Variants in NMT2 observed in about 807,000 individuals in gnomAD.
NMT2 encodes glycylpeptide N-tetradecanoyltransferase 2.
In NMT2, 35 loss-of-function variants were observed where a neutral mutation model predicts 65.4. The ratio of observed to expected loss-of-function variants is 0.54; its 90% CI spans 0.41 to 0.71. The LOEUF (loss-of-function observed/expected upper bound fraction) is 0.71. NMT2 is among the 30% of genes least tolerant of loss of function. NMT2 has a pLI of 0.00. For missense variants in NMT2, 489 were observed against 611.3 expected (o/e 0.80, Z 2.11); for synonymous variants, 226 against 231.8 (o/e 0.98, Z 0.23).
At chr10:15,168,167 C>G (rs1833438276) in intron 1 of NMT2, among the ~76,000 whole-genome samples, 1 of 152,280 alleles carries the variant, frequency 6.6e-6, no homozygotes, top group South Asian at 2.1e-4. Context: ...CGGCGCCCAC[C>G]GGAGCCACCC....
chr10:15,112,704 C>A, intron 10 of NMT2, 92 bp downstream of exon 10: 1 of 1,216,868 alleles, frequency 8.2e-7, no homozygotes, highest in East Asian at 2.6e-5. Flanking sequence ...ATAAATTCCA[C>A]CTGTGTGGAA....
chr10:15,139,714 G>C (rs1219084652), intron 2 of NMT2: 1 of 151,522 alleles, frequency 6.6e-6, no homozygotes, highest in East Asian at 1.9e-4. Flanking sequence ...ATTGGGGCAA[G>C]TAATTTTCCT....
intron 1 of NMT2, chr10:15,155,095 AC>A: frequency 7.0e-7 from 1 of 1,425,200 alleles, no homozygotes; most frequent in Non-Finnish European, 9.9e-7. Context: ...CTGTAGACAG[AC>A]TTGCCACCAG....
intron 1 of NMT2, among the ~76,000 whole-genome samples, chr10:15,163,894 C>T (rs1401149631): frequency 6.6e-6 from 1 of 152,160 alleles, no homozygotes; most frequent in Admixed American, 6.5e-5. Context: ...TTAAAAACGT[C>T]TTAGGCCGGG....
intron 6 of NMT2, among the ~76,000 whole-genome samples, chr10:15,130,915 A>T (rs1220115465): frequency 2.7e-5 from 4 of 150,446 alleles, no homozygotes; most frequent in Non-Finnish European, 1.5e-5. Flanking sequence ...TCAGCCTCCT[A>T]AGTAGCTGGA....
intron 1 of NMT2, among the ~76,000 whole-genome samples, chr10:15,164,518 T>A (rs4748145): frequency 0.18 from 27,361 of 152,058 alleles, 3,066 homozygotes; most frequent in African/African-American, 0.32. Flanking sequence ...CAGTAAGAGA[T>A]CATGACCAAT....
At chr10:15,126,944 A>G (rs961844539) in intron 8 of NMT2, among the ~76,000 whole-genome samples, 7 of 152,252 alleles carry the variant, frequency 4.6e-5, no homozygotes, top group Admixed American at 4.6e-4. Context: ...ATTAAAAATG[A>G]TAACTTGGCT....
intron 1 of NMT2, among the ~76,000 whole-genome samples, chr10:15,153,956 C>T (rs1344294802): frequency 6.6e-6 from 1 of 152,162 alleles, no homozygotes; most frequent in Non-Finnish European, 1.5e-5. Flanking sequence ...CTGGCTTACA[C>T]ACAGACGTTT....
rs781152447 is a variant in NMT2 at position 15,112,842 on chromosome 10, G to A, written c.1292C>T (p.Thr431Met). 4.3e-6 allele frequency: 7 copies of A among 1,614,064 alleles called. No homozygotes were observed. The highest frequency in any genetic ancestry group is 2.2e-5 in the South Asian group (2 of 91,072). ...GTCGCTCATGAGGTCCAGCAGGGGC[G>A]TCTCTGTGTGGATGTTGTAGAATGA... ...AYSFYNIHTETPLLDLMSDAL... is the reference protein window; with the variant it reads ...AYSFYNIHTEMPLLDLMSDAL... Residue 431 changes from threonine (T) to methionine (M), a missense_variant, in exon 10 of 12, where the codon ACG (threonine) becomes ATG (methionine). Thr to Met is a moderately conservative substitution (Grantham distance 81, BLOSUM62 -1). Transcript: ENST00000378165.
intron 9 of NMT2, among the ~76,000 whole-genome samples, chr10:15,118,187 G>GAAT (rs1169882989): frequency 6.6e-6 from 1 of 152,174 alleles, no homozygotes; most frequent in East Asian, 1.9e-4. Flanking sequence ...CAACGAAATA[G>GAAT]AATATAGAGG....
rs959487487 is a variant in NMT2 at position 15,119,280 on chromosome 10, G to C, written c.1170+63C>G. Reference sequence around the variant, plus strand: ...GAAGGAAGTGTGTGTAAATAATTCTGCTGCACGCTGAACACAAAGGGTGCT... The same window carrying C: ...GAAGGAAGTGTGTGTAAATAATTCTCCTGCACGCTGAACACAAAGGGTGCT... On this transcript the variant is annotated intron_variant, in intron 9 of 11. Transcript: ENST00000378165. 45 of 1,442,502 alleles carry C rather than the reference G, an allele frequency of 3.1e-5. No homozygotes were observed. In the South Asian group the frequency reaches 5.3e-4, roughly 17 times the overall value. The allele number at this position is 1,442,502 out of a possible 1,614,324, so 89.4% of individuals were successfully genotyped here. A position where few individuals can be genotyped will look rare whatever the true frequency, so the allele number is the denominator to read the frequency against.
intron 1 of NMT2, among the ~76,000 whole-genome samples, chr10:15,165,633 T>C (rs1833351891): frequency 6.6e-6 from 1 of 151,992 alleles, no homozygotes; most frequent in Admixed American, 6.6e-5. Flanking sequence ...ATCCCAGCAC[T>C]TTGGGAGGCC....
At chr10:15,159,413 T>G (rs899633323) in intron 1 of NMT2, among the ~76,000 whole-genome samples, 1 of 151,994 alleles carries the variant, frequency 6.6e-6, no homozygotes, top group African/African-American at 2.4e-5. Flanking sequence ...TTTATTTATT[T>G]ATTTATTTAT....
At chr10:15,157,935 G>C (rs1033503129) in intron 1 of NMT2, among the ~76,000 whole-genome samples, 1 of 152,182 alleles carries the variant, frequency 6.6e-6, no homozygotes, top group African/African-American at 2.4e-5. Context: ...TAAAAGCTAA[G>C]TTTGAATTTG....
chr10:15,160,892 A>C (rs1833165862), intron 1 of NMT2, among the ~76,000 whole-genome samples: 1 of 151,926 alleles, frequency 6.6e-6, no homozygotes, highest in Non-Finnish European at 1.5e-5. Flanking sequence ...AAGTTAAAAC[A>C]GACAAAAAGA....
chr10:15,144,083 CTTTT>C (rs773075502), intron 1 of NMT2, among the ~76,000 whole-genome samples: 15 of 152,082 alleles, frequency 9.9e-5, no homozygotes, highest in Non-Finnish European at 1.8e-4. Context: ...CACATCAAAA[CTTTT>C]TTTTCTTCCA....
chr10:15,145,046 T>TAG (rs1257579898), intron 1 of NMT2, among the ~76,000 whole-genome samples: 2 of 152,038 alleles, frequency 1.3e-5, no homozygotes, highest in African/African-American at 4.8e-5. Context: ...GGTCCATCTA[T>TAG]AGGATGGATT....
rs545158473 is a variant in NMT2, at chr10:15,151,320, G to T, written c.111-9763C>A. Among the ~76,000 whole-genome samples the T allele has an allele frequency of 5.3e-5, 8 of 152,334 alleles. No individual in the cohort carries two copies. The South Asian group carries it at 8.3e-4, about 16-fold the overall frequency. ...CATCTGCCCGCCTCGGCCCCCAAAA[G>T]TGCTAGGATTGTAGGTGTGAGCCAC... On this transcript the variant is annotated intron_variant, in intron 1 of 11. Transcript: ENST00000378165.
Position 15,168,582 on chromosome 10 carries a change from G to T in NMT2, c.31C>A (p.Gln11Lys). Residue 11 changes from glutamine to lysine, a missense_variant, in exon 1 of 12, where the codon CAG becomes AAG. Gln to Lys is a moderately conservative substitution (Grantham distance 53). Transcript: ENST00000378165. ...TGGTCGTCCAGTTCCAGGCTCTGCTGGCTGGCCGCAGACTCGCTGTCCTCC... is the reference window on the plus strand; with the variant it reads ...TGGTCGTCCAGTTCCAGGCTCTGCTTGCTGGCCGCAGACTCGCTGTCCTCC... MAEDSESAAS[Q>K]QSLELDDQDT... The T allele has an allele frequency of 6.3e-7, 1 of 1,588,316 alleles. No homozygotes were observed. The highest frequency in any genetic ancestry group is 8.5e-7 in the Non-Finnish European group (1 of 1,171,162).
Sources: gnomAD v4.1 joint callset for allele counts (sites outside exome capture counted in the v4.1 genomes callset) on GRCh38, gnomAD v4.1.1 for gene constraint, MANE v1.5 for transcripts, NCBI Gene and HGNC (gene_info 2026-07-23, HGNC 2026-07-21) for gene names.